The following KIF13A variants were observed in gnomAD, a reference collection of about 807,000 sequenced individuals.
KIF13A encodes kinesin family member 13A, also known as kinesin-like protein KIF13A.
Under a neutral mutation model 212.2 loss-of-function variants are expected in KIF13A, and 79 were observed. The ratio of observed to expected loss-of-function variants is 0.37; its 90% CI spans 0.31 to 0.45. The LOEUF is 0.45. KIF13A is among the 20% of genes least tolerant of loss of function. KIF13A has a pLI of 1.00. For missense variants in KIF13A, 1,901 were observed against 2,209.0 expected (o/e 0.86, Z 2.79); for synonymous variants, 789 against 808.6 (o/e 0.98, Z 0.41).
At position 17,816,382 on chromosome 6, in the gene KIF13A, T is replaced by C. The variant is rs930766310; in HGVS notation, c.2000+638A>G. Among the ~76,000 whole-genome samples, 2 of 151,428 alleles carry C rather than the reference T, an allele frequency of 1.3e-5. No homozygotes were observed. The highest frequency in any genetic ancestry group is 2.9e-5 in the Non-Finnish European group (2 of 68,006). On this transcript the variant is annotated intron_variant, in intron 17 of 38. Coordinates refer to ENST00000259711, the MANE Select transcript of KIF13A (RefSeq NM_022113.6). This position sits in a 1 kb window ranked among gnomAD's most constrained non-coding sequence, Gnocchi z 4.3. ...CCATGCCTGGCTAATTTTTTATTTT[T>C]TGTAGAGACAAGGTCTCGTTATGTT...
chr6:17,761,575 G>T (rs1758588087), downstream of KIF13A, among the ~76,000 whole-genome samples: 2 of 152,166 alleles, frequency 1.3e-5, no homozygotes, highest in Non-Finnish European at 1.5e-5. Context: ...TAGAGACAGG[G>T]TTTCTCCATG....
rs1261721189 is a variant in KIF13A, at chr6:17,900,091, G to A, written c.147-1911C>T. On this transcript the variant is annotated intron_variant, in intron 2 of 38. Transcript: ENST00000259711. This position sits in a 1 kb window ranked among gnomAD's most constrained non-coding sequence, Gnocchi z 4.6. ...GAAAAGTCACTTGGGTTACAATAAG[G>A]CCATTATATGAAACAGCACAGACCA... Among the ~76,000 whole-genome samples the A allele has an allele frequency of 6.6e-6, 1 of 152,106 alleles. No individual in the cohort carries two copies. Among genetic ancestry groups the A allele is most frequent in the Non-Finnish European group, 1.5e-5 (1 of 68,016 alleles).
At chr6:17,909,550 GA>G (rs1292281559) in intron 2 of KIF13A, among the ~76,000 whole-genome samples, 22 of 143,830 alleles carry the variant, frequency 1.5e-4, no homozygotes, top group Admixed American at 4.9e-4. Context: ...AAAAAAAAAG[GA>G]AAAAAAAAAG....
At chr6:17,920,678 A>G (rs1774983362) in intron 2 of KIF13A, among the ~76,000 whole-genome samples, 1 of 152,174 alleles carries the variant, frequency 6.6e-6, no homozygotes. Context: ...GTTCGAGACC[A>G]GCCTGGCCAT....
At chr6:17,869,019 A>AAAAC (rs1554187445) in intron 4 of KIF13A, among the ~76,000 whole-genome samples, 5 of 126,588 alleles carry the variant, frequency 3.9e-5, no homozygotes, top group South Asian at 3.1e-4. Context: ...AAAAAAAAAA[A>AAAAC]ACACAAATAA....
chr6:17,777,089 A>T lies in KIF13A; in HGVS notation c.4170+188T>A, dbSNP rs1760053960. 6.6e-6 allele frequency among the ~76,000 whole-genome samples: 1 copy of T among 152,210 alleles called. No homozygotes were observed. Among genetic ancestry groups the T allele is most frequent in the South Asian group, 2.1e-4 (1 of 4,830 alleles). On this transcript the variant is annotated intron_variant, in intron 34 of 38. Transcript: ENST00000259711. This position sits in a 1 kb window ranked among gnomAD's most constrained non-coding sequence, Gnocchi z 4.4. Reference sequence around the variant, plus strand: ...TGCTGAACAGGAATTCATAAGATTGAACAAATGGCTCAGTCTTAGACAACT... The same window carrying T: ...TGCTGAACAGGAATTCATAAGATTGTACAAATGGCTCAGTCTTAGACAACT...
chr6:17,802,117 G>A (rs533954227), intron 20 of KIF13A, among the ~76,000 whole-genome samples: 2 of 152,218 alleles, frequency 1.3e-5, no homozygotes, highest in South Asian at 4.1e-4. Context: ...ATCCTAAACA[G>A]GGAAGGTTAT....
rs76931408 is a variant in KIF13A, at chr6:17,777,104, C to T, written c.4170+173G>A. 0.021 allele frequency among the ~76,000 whole-genome samples: 3,187 copies of T among 152,296 alleles called. 122 individuals are homozygous for T. The highest frequency in any genetic ancestry group is 0.071 in the African/African-American group (2,943 of 41,548). ...CATAAGATTGAACAAATGGCTCAGTCTTAGACAACTGTGCTGCCTGGTGTG... is the reference window on the plus strand; with the variant it reads ...CATAAGATTGAACAAATGGCTCAGTTTTAGACAACTGTGCTGCCTGGTGTG... On this transcript the variant is annotated intron_variant, in intron 34 of 38. Coordinates refer to ENST00000259711, the MANE Select transcript of KIF13A (RefSeq NM_022113.6). This position sits in a 1 kb window ranked among gnomAD's most constrained non-coding sequence, Gnocchi z 4.4.
chr6:17,976,317 C>T (rs903768657), intron 2 of KIF13A, among the ~76,000 whole-genome samples: 6 of 152,220 alleles, frequency 3.9e-5, no homozygotes, highest in African/African-American at 1.2e-4. Context: ...GGCTGCAGGT[C>T]GCGAGCCCTG....
At chr6:17,818,605 C>T (rs970207025) in intron 16 of KIF13A, among the ~76,000 whole-genome samples, 1 of 152,156 alleles carries the variant, frequency 6.6e-6, no homozygotes, top group African/African-American at 2.4e-5. Flanking sequence ...CTGGCTACAT[C>T]GCAAGTAGAG....
At chr6:17,792,789 T>A (rs1024995889) in intron 25 of KIF13A, among the ~76,000 whole-genome samples, 1 of 152,202 alleles carries the variant, frequency 6.6e-6, no homozygotes, top group Non-Finnish European at 1.5e-5. Context: ...TGAAGTTCAA[T>A]AGTCTGTGCA....
Position 17,888,998 on chromosome 6 carries a change from T to A in KIF13A, c.159+9170A>T, listed in dbSNP as rs1771796420. On this transcript the variant is annotated intron_variant, in intron 3 of 38. Coordinates refer to ENST00000259711, the MANE Select transcript of KIF13A (RefSeq NM_022113.6). The surrounding 1 kb of genome is among the most constrained non-coding windows in gnomAD (Gnocchi z 4.8). Reference sequence around the variant, plus strand: ...ACACCAGTCACATATCATATGTTCATAAACCACTTGTGGCTAAATGGCTAC... The same window carrying A: ...ACACCAGTCACATATCATATGTTCAAAAACCACTTGTGGCTAAATGGCTAC... Among the ~76,000 whole-genome samples the A allele has an allele frequency of 6.6e-6, 1 of 152,196 alleles. No individual in the cohort carries two copies. Among genetic ancestry groups the A allele is most frequent in the Admixed American group, 6.5e-5 (1 of 15,276 alleles).
chr6:17,781,199 A>C lies in KIF13A; in HGVS notation c.3647T>G (p.Ile1216Ser). ...TACCTCATCATCACTGTGCTTTATG[A>C]TGGGCAGGTAGAAAAACTGGCTGCC... ...EHGSQFFYLP[I>S]IKHSDDEVSA... The change falls in exon 30 of 39, where the codon ATC becomes AGC. Residue 1216 changes from isoleucine (I) to serine (S), a missense_variant. Around this residue, in one of 5 missense-constraint regions of KIF13A, gnomAD observed 687 missense variants for 759.1 expected, o/e 0.90. Transcript: ENST00000259711. The C allele has an allele frequency of 6.2e-7, 1 of 1,613,928 alleles. No individual in the cohort carries two copies. Among genetic ancestry groups the C allele is most frequent in the Non-Finnish European group, 8.5e-7 (1 of 1,179,872 alleles).
At chr6:17,936,164 T>C (rs890211632) in intron 2 of KIF13A, among the ~76,000 whole-genome samples, 72 of 152,222 alleles carry the variant, frequency 4.7e-4, no homozygotes, top group African/African-American at 1.7e-3. Context: ...TTTTTATTTT[T>C]TGAGACGGTG....
In KIF13A at chr6:17,987,355, G is replaced by C. The variant is rs1781667502; in HGVS notation, c.55+54C>G. The C allele has an allele frequency of 2.5e-6, 3 of 1,224,378 alleles. No homozygotes were observed. The highest frequency in any genetic ancestry group is 1.5e-5 in the South Asian group (1 of 68,006). The allele number at this position is 1,224,378 out of a possible 1,614,324, so 75.8% of individuals were successfully genotyped here. A position where few individuals can be genotyped will look rare whatever the true frequency, so the allele number is the denominator to read the frequency against. ...CCGTCCCGGCCCCGCAGTTTCTAAAGTTGCCCCCGCCCTCAGCCCGAGCAG... is the reference window on the plus strand; with the variant it reads ...CCGTCCCGGCCCCGCAGTTTCTAAACTTGCCCCCGCCCTCAGCCCGAGCAG... On this transcript the variant is annotated intron_variant, in intron 1 of 38. Coordinates refer to ENST00000259711, the MANE Select transcript of KIF13A (RefSeq NM_022113.6). The surrounding 1 kb of genome is among the most constrained non-coding windows in gnomAD (Gnocchi z 7.7).
rs148629909 is a variant in KIF13A, at chr6:17,921,062, T to C, written c.147-22882A>G. On this transcript the variant is annotated intron_variant, in intron 2 of 38. Coordinates refer to ENST00000259711, the MANE Select transcript of KIF13A (RefSeq NM_022113.6). ...TGGAACCAATGGAAACAATGAAAAA[T>C]ACATAAATGACACCTTTCCCAAAGA... 2.1e-4 allele frequency among the ~76,000 whole-genome samples: 32 copies of C among 151,838 alleles called. No homozygotes were observed. In the East Asian group the frequency reaches 6.0e-3, roughly 28 times the overall value.
rs1388192366 is a variant in KIF13A at position 17,898,059 on chromosome 6, C to T, written c.159+109G>A. ...ATGATGTGAGTTTTAAATTAGGATGCTGTTTTCAGTTCTCAATGAGACAGA... is the reference window on the plus strand; with the variant it reads ...ATGATGTGAGTTTTAAATTAGGATGTTGTTTTCAGTTCTCAATGAGACAGA... On this transcript the variant is annotated intron_variant, in intron 3 of 38. Coordinates refer to ENST00000259711, the MANE Select transcript of KIF13A (RefSeq NM_022113.6). The surrounding 1 kb of genome is among the most constrained non-coding windows in gnomAD (Gnocchi z 5.2). 1 of 947,930 alleles carries T rather than the reference C, an allele frequency of 1.1e-6. No homozygotes were observed. Among genetic ancestry groups the T allele is most frequent in the Non-Finnish European group, 1.6e-6 (1 of 623,684 alleles). The allele number at this position is 947,930 out of a possible 1,614,324, so 58.7% of individuals were successfully genotyped here.
intron 2 of KIF13A, among the ~76,000 whole-genome samples, chr6:17,953,012 C>T (rs1778013151): frequency 6.6e-6 from 1 of 151,356 alleles, no homozygotes. Context: ...AGATGGTTAA[C>T]AGGGGTATAA....
rs1294535382 is a variant in KIF13A, at chr6:17,872,276, T to C, written c.220+1101A>G. Among the ~76,000 whole-genome samples, 1 of 152,240 alleles carries C rather than the reference T, an allele frequency of 6.6e-6. No homozygotes were observed. The highest frequency in any genetic ancestry group is 1.5e-5 in the Non-Finnish European group (1 of 68,040). On this transcript the variant is annotated intron_variant, in intron 4 of 38. Transcript: ENST00000259711. The surrounding 1 kb of genome is among the most constrained non-coding windows in gnomAD (Gnocchi z 4.7). The stretch of plus-strand genomic sequence containing the variant: ...ACATTAATTTTCTTTAAACTAGTCA[T>C]GTGCTTTTACCTCCAAATCTTTTAA...
Sources: gnomAD v4.1 joint callset for allele counts (sites outside exome capture counted in the v4.1 genomes callset) on GRCh38, gnomAD v4.1.1 for gene constraint, gnomAD v4.1.1 regional missense constraint, Gnocchi (gnomAD v3.1) non-coding constraint, MANE v1.5 for transcripts, NCBI Gene and HGNC (gene_info 2026-07-23, HGNC 2026-07-21) for gene names.